Variants in FGD4 observed in about 807,000 individuals in gnomAD.
FGD4 encodes the protein FYVE, RhoGEF and PH domain-containing protein 4.
A neutral mutation model predicts 102.0 loss-of-function variants in FGD4; 42 were observed. The ratio of observed to expected loss-of-function variants is 0.41; its 90% CI spans 0.32 to 0.53. FGD4 has a LOEUF of 0.53. Among genes scored for constraint, FGD4 ranks in the 20% least tolerant of loss-of-function variants. The pLI is 0.21. For missense variants in FGD4, 902 were observed against 1,078.2 expected, an observed-to-expected ratio of 0.84 and a Z score of 2.29; for synonymous variants, 380 against 375.7, an observed-to-expected ratio of 1.01 and a Z score of -0.13.
intron 1 of FGD4, among the ~76,000 whole-genome samples, chr12:32,518,199 A>G (rs868468302): frequency 2.0e-5 from 3 of 152,296 alleles, no homozygotes; most frequent in South Asian, 2.1e-4. Context: ...GCAGTGTTCT[A>G]TGAAGGGTGG....
intron 1 of FGD4, among the ~76,000 whole-genome samples, chr12:32,441,556 G>A (rs916932280): frequency 1.3e-5 from 2 of 151,664 alleles, no homozygotes; most frequent in Non-Finnish European, 2.9e-5. Flanking sequence ...CGTCCTCCCC[G>A]CTTTTTCCTC....
chr12:32,491,630 C>T (rs948119500), intron 1 of FGD4, among the ~76,000 whole-genome samples: 9 of 152,176 alleles, frequency 5.9e-5, no homozygotes, highest in Non-Finnish European at 1.3e-4. Context: ...GTTTGTGAAA[C>T]TGTATCTGAA....
At chr12:32,463,631 C>T (rs1943170567) in intron 1 of FGD4, among the ~76,000 whole-genome samples, 1 of 152,170 alleles carries the variant, frequency 6.6e-6, no homozygotes, top group African/African-American at 2.4e-5. Flanking sequence ...TGTGTCTTCA[C>T]TGTTTTTGTT....
chr12:32,536,525 T>C (rs1260417558), intron 1 of FGD4, among the ~76,000 whole-genome samples: 3 of 152,268 alleles, frequency 2.0e-5, no homozygotes, highest in South Asian at 4.1e-4. Flanking sequence ...CTAATTTTTA[T>C]TGGCTAAAGT....
At chr12:32,588,056 A>T (rs1402884124) in intron 4 of FGD4, among the ~76,000 whole-genome samples, 1 of 152,226 alleles carries the variant, frequency 6.6e-6, no homozygotes, top group African/African-American at 2.4e-5. Flanking sequence ...AGGAGAAAGA[A>T]GAGAGAACAG....
At chr12:32,556,968 TCA>T (rs1202657613) in intron 1 of FGD4, 1 of 152,216 alleles carries the variant, frequency 6.6e-6, no homozygotes, top group Non-Finnish European at 1.5e-5. Flanking sequence ...TTCTCCCACC[TCA>T]GTCTCCTGAG....
chr12:32,432,051 AT>A (rs60933809), intron 1 of FGD4, among the ~76,000 whole-genome samples: 8,334 of 106,502 alleles, frequency 0.078, 202 homozygotes, highest in Middle Eastern at 0.17. Context: ...TAATCCTAGC[AT>A]TTTTTTTTTT....
chr12:32,469,720 C>A (rs1223761351), intron 1 of FGD4, among the ~76,000 whole-genome samples: 1 of 151,776 alleles, frequency 6.6e-6, no homozygotes. Context: ...AGTGCAATGG[C>A]ATAATCTCGA....
chr12:32,431,619 A>G (rs1302123695), intron 1 of FGD4, among the ~76,000 whole-genome samples: 3 of 151,974 alleles, frequency 2.0e-5, no homozygotes, highest in African/African-American at 7.3e-5. Context: ...TTAAGAAAAT[A>G]ATTTCTGGGC....
chr12:32,529,804 C>T (rs1941618838), intron 1 of FGD4, among the ~76,000 whole-genome samples: 1 of 146,050 alleles, frequency 6.8e-6, no homozygotes. Flanking sequence ...AATTGAGCCA[C>T]TTCACTCCAG....
At chr12:32,576,155 C>G in intron 2 of FGD4, 111 bp from the exon 3 acceptor site, 1 of 1,105,302 alleles carries the variant, frequency 9.0e-7, no homozygotes, top group Non-Finnish European at 1.3e-6. Flanking sequence ...ACACCTGCCC[C>G]CTTTACAATA....
chr12:32,479,346 T>C (rs1339210768), intron 1 of FGD4, among the ~76,000 whole-genome samples: 1 of 152,112 alleles, frequency 6.6e-6, no homozygotes, highest in Non-Finnish European at 1.5e-5. Context: ...TAAAGTTTTG[T>C]AAAACTTGCT....
intron 1 of FGD4, among the ~76,000 whole-genome samples, chr12:32,505,024 T>A (rs1413533609): frequency 6.6e-6 from 1 of 152,184 alleles, no homozygotes; most frequent in Non-Finnish European, 1.5e-5. Context: ...TATAATCCAT[T>A]TTTTGAAGTT....
intron 1 of FGD4, among the ~76,000 whole-genome samples, chr12:32,465,432 G>A (rs1385868200): frequency 6.6e-6 from 1 of 152,090 alleles, no homozygotes; most frequent in Non-Finnish European, 1.5e-5. Flanking sequence ...CACTTTGGGA[G>A]GCTGAGGCGG....
intron 7 of FGD4, among the ~76,000 whole-genome samples, chr12:32,607,646 C>A (rs1055605043): frequency 5.3e-5 from 8 of 152,172 alleles, no homozygotes; most frequent in Non-Finnish European, 1.0e-4. Flanking sequence ...CTCCGCATAG[C>A]TGGGACTACA....
At chr12:32,585,530 G>A (rs1028957925) in intron 4 of FGD4, among the ~76,000 whole-genome samples, 1 of 151,646 alleles carries the variant, frequency 6.6e-6, no homozygotes, top group African/African-American at 2.4e-5. Context: ...GATACAGTAA[G>A]TGCTTTGGAA....
chr12:32,627,968 AT>A (rs1401117738), intron 14 of FGD4, among the ~76,000 whole-genome samples: 1 of 152,002 alleles, frequency 6.6e-6, no homozygotes, highest in Non-Finnish European at 1.5e-5. Flanking sequence ...AATAAGAGAG[AT>A]GTTGGTGAAA....
chr12:32,457,682 ATAAATGTTTAC>A (rs1490245605), intron 1 of FGD4, among the ~76,000 whole-genome samples: 15 of 152,216 alleles, frequency 9.9e-5, no homozygotes, highest in Admixed American at 6.5e-4. Context: ...AAATGTGTAA[ATAAATGTTTAC>A]TGGACTCTTA....
chr12:32,535,753 CAGTTAG>C (rs1160417250), intron 1 of FGD4, among the ~76,000 whole-genome samples: 1 of 152,092 alleles, frequency 6.6e-6, no homozygotes, highest in African/African-American at 2.4e-5. Flanking sequence ...TATCTTCAAA[CAGTTAG>C]AGATGATTGG....
Sources: gnomAD v4.1 joint callset for allele counts (sites outside exome capture counted in the v4.1 genomes callset) on GRCh38, gnomAD v4.1.1 for gene constraint, MANE v1.5 for transcripts, NCBI Gene and HGNC (gene_info 2026-07-23, HGNC 2026-07-21) for gene names.